The following WWP2 variants were observed in gnomAD, a reference collection of about 807,000 sequenced individuals.
WWP2 encodes WW domain containing E3 ubiquitin protein ligase 2.
Under a neutral mutation model 121.0 loss-of-function variants are expected in WWP2, and 57 were observed. The ratio of observed to expected loss-of-function variants is 0.47; its 90% CI spans 0.38 to 0.59. WWP2 has a LOEUF of 0.59. WWP2 is among the 20% of genes least tolerant of loss of function. WWP2 has a pLI of 0.00. For synonymous variants in WWP2, 449 were observed against 441.3 expected (o/e 1.02, Z -0.22); for missense variants, 962 against 1,158.9 (o/e 0.83, Z 2.47).
chr16:69,857,689 T>C (rs1263935859), intron 6 of WWP2, among the ~76,000 whole-genome samples: 1 of 133,252 alleles, frequency 7.5e-6, no homozygotes, highest in Non-Finnish European at 1.6e-5. Context: ...TGAGACAGGG[T>C]TTCGCTCTGT....
chr16:69,794,897 TGA>T (rs1437573643), intron 2 of WWP2, among the ~76,000 whole-genome samples: 13 of 152,166 alleles, frequency 8.5e-5, no homozygotes, highest in African/African-American at 2.9e-4. Context: ...GATTAGGTAC[TGA>T]ATTGGGGGAA....
intron 1 of WWP2, chr16:69,774,597 T>C (rs957382397): frequency 2.0e-5 from 3 of 152,210 alleles, no homozygotes; most frequent in African/African-American, 7.2e-5. Context: ...GCAGATACTC[T>C]CAGTTTCTTC....
intron 6 of WWP2, among the ~76,000 whole-genome samples, chr16:69,845,227 A>G (rs969979440): frequency 9.2e-5 from 14 of 152,184 alleles, no homozygotes; most frequent in South Asian, 2.1e-4. Context: ...GGCCTTACAC[A>G]ACGGGAGCAC....
At chr16:69,831,540 A>T (rs1039546783) in intron 4 of WWP2, among the ~76,000 whole-genome samples, 9 of 152,272 alleles carry the variant, frequency 5.9e-5, no homozygotes, top group South Asian at 2.1e-4. Flanking sequence ...ACATATTTTT[A>T]AAAATCCAGG....
chr16:69,812,142 G>A (rs2056403591), intron 4 of WWP2, among the ~76,000 whole-genome samples: 1 of 142,816 alleles, frequency 7.0e-6, no homozygotes, highest in African/African-American at 2.8e-5. Context: ...TGGCATCGGC[G>A]TTGTTGAAGA....
chr16:69,827,697 G>A (rs1356329056), intron 4 of WWP2, among the ~76,000 whole-genome samples: 1 of 152,188 alleles, frequency 6.6e-6, no homozygotes, highest in East Asian at 1.9e-4. Flanking sequence ...GGTTGTGGCC[G>A]CTGCGGTTCC....
intron 1 of WWP2, among the ~76,000 whole-genome samples, chr16:69,772,819 C>T (rs911509193): frequency 6.6e-6 from 1 of 151,958 alleles, no homozygotes; most frequent in Non-Finnish European, 1.5e-5. Flanking sequence ...CAGTGATTGA[C>T]CCTTTCTGGA....
At chr16:69,848,806 T>A (rs2057141770) in intron 6 of WWP2, among the ~76,000 whole-genome samples, 1 of 152,164 alleles carries the variant, frequency 6.6e-6, no homozygotes, top group South Asian at 2.1e-4. Context: ...CTGGGGACCT[T>A]GGATTTGCCT....
chr16:69,789,513 C>T (rs1280133641), intron 2 of WWP2, among the ~76,000 whole-genome samples: 1 of 152,196 alleles, frequency 6.6e-6, no homozygotes, highest in Non-Finnish European at 1.5e-5. Flanking sequence ...CGGGCGTGAG[C>T]CACCGTGCCC....
chr16:69,894,698 G>C (rs2058081683), intron 8 of WWP2, among the ~76,000 whole-genome samples: 1 of 152,220 alleles, frequency 6.6e-6, no homozygotes, highest in South Asian at 2.1e-4. Flanking sequence ...AAGCGAGGCT[G>C]CTTTGGTCTG....
At chr16:69,885,102 TACACACACAC>T (rs3051438) in intron 7 of WWP2, among the ~76,000 whole-genome samples, 8 of 140,046 alleles carry the variant, frequency 5.7e-5, no homozygotes, top group East Asian at 2.1e-4. Flanking sequence ...AAACTCCTCC[TACACACACAC>T]ACACACACAC....
intron 6 of WWP2, among the ~76,000 whole-genome samples, chr16:69,853,730 A>G (rs2057260235): frequency 6.6e-6 from 1 of 152,180 alleles, no homozygotes. Context: ...AGAAATACCT[A>G]GGAGGTGTAA....
chr16:69,830,734 G>C (rs1316316778), intron 4 of WWP2, among the ~76,000 whole-genome samples: 1 of 152,160 alleles, frequency 6.6e-6, no homozygotes, highest in Non-Finnish European at 1.5e-5. Flanking sequence ...ACTTTCTGTT[G>C]TTAGGCTCTG....
chr16:69,805,287 C>T lies in WWP2; in HGVS notation c.340+5992C>T, dbSNP rs112369211. 4.6e-5 allele frequency among the ~76,000 whole-genome samples: 7 copies of T among 152,170 alleles called. 1 individual carries two copies. Among genetic ancestry groups the T allele is most frequent in the African/African-American group, 1.7e-4 (7 of 41,530 alleles). Reference sequence around the variant, plus strand: ...CTGACCTCAGGCGATTTGCCTGCCTCGGCCTCCCAAAGTGCTGGGATTACA... The same window carrying T: ...CTGACCTCAGGCGATTTGCCTGCCTTGGCCTCCCAAAGTGCTGGGATTACA... On this transcript the variant is annotated intron_variant, in intron 4 of 23. Transcript: ENST00000359154.
In WWP2 at chr16:69,879,690, A is replaced by C. The variant is rs138372073; in HGVS notation, c.703+7759A>C. ...AATGCGGGTGAGAACTTGGCTGTACAAGTATCTGAGCCCAAGATTTCAGTT... is the reference window on the plus strand; with the variant it reads ...AATGCGGGTGAGAACTTGGCTGTACCAGTATCTGAGCCCAAGATTTCAGTT... On this transcript the variant is annotated intron_variant, in intron 7 of 23. Transcript: ENST00000359154. Among the ~76,000 whole-genome samples the C allele has an allele frequency of 3.0e-4, 46 of 152,268 alleles. No homozygotes were observed. In the East Asian group the frequency reaches 8.5e-3, roughly 28 times the overall value.
chr16:69,763,349 T>C (rs892546939), intron 1 of WWP2, among the ~76,000 whole-genome samples: 10 of 152,206 alleles, frequency 6.6e-5, no homozygotes, highest in Non-Finnish European at 1.5e-5. Flanking sequence ...ACCTGGATCA[T>C]GATTTTGAGA....
chr16:69,790,171 C>T (rs1041352252), intron 2 of WWP2, among the ~76,000 whole-genome samples: 5 of 152,022 alleles, frequency 3.3e-5, no homozygotes, highest in African/African-American at 7.3e-5. Context: ...CGCCTCAACC[C>T]GGGAGGCCGA....
At chr16:69,868,706 C>T (rs1472984349) in intron 6 of WWP2, among the ~76,000 whole-genome samples, 4 of 152,088 alleles carry the variant, frequency 2.6e-5, no homozygotes, top group Non-Finnish European at 5.9e-5. Context: ...CATACACACA[C>T]AGATATACAC....
intron 1 of WWP2, among the ~76,000 whole-genome samples, chr16:69,780,305 T>G (rs1415614824): frequency 6.6e-6 from 1 of 152,174 alleles, no homozygotes; most frequent in African/African-American, 2.4e-5. Flanking sequence ...TTTGTACATG[T>G]GGATTAAATT....
Sources: allele counts gnomAD v4.1 joint callset (sites outside exome capture counted in the v4.1 genomes callset), GRCh38; gene constraint gnomAD v4.1.1; transcripts MANE v1.5; gene names NCBI Gene and HGNC (gene_info 2026-07-23, HGNC 2026-07-21).